TARS3: variants seen among roughly 807,000 people sequenced by gnomAD.
TARS3 encodes threonine--tRNA ligase 2, cytoplasmic.
In TARS3, 94 loss-of-function variants were observed where a neutral mutation model predicts 103.5. That is an observed-to-expected ratio of 0.91 (90% CI 0.77 to 1.08). The LOEUF is 1.08. Ranked by LOEUF, TARS3 falls within the 50% of genes least tolerant of loss-of-function variation. The pLI, the probability that TARS3 is intolerant of heterozygous loss-of-function variation, is 0.00. For synonymous variants in TARS3, 416 were observed against 355.4 expected (o/e 1.17, Z -1.92); for missense variants, 952 against 995.2 (o/e 0.96, Z 0.58).
Position 101,657,014 on chromosome 15 carries a change from T to C in TARS3, c.2168A>G (p.Glu723Gly), listed in dbSNP as rs753838222. ...CAAGTCAACGTCAGCCATAAATCCT[T>C]CTTCAAAAAATTCACTGGATACCTA... is the stretch of plus-strand genomic sequence containing the variant. ...ALQVSSEFFE[E>G]GFMADVDLDH... The change falls in exon 18 of 19, where the codon GAA (glutamate) becomes GGA (glycine). Residue 723 changes from glutamate to glycine, a missense_variant. This residue lies in a region of TARS3 where 540 missense variants were observed against 631.0 expected (regional missense o/e 0.86). Coordinates refer to ENST00000335968, the MANE Select transcript of TARS3 (RefSeq NM_152334.3). The C allele has an allele frequency of 6.2e-7, 1 of 1,613,450 alleles. No individual in the cohort carries two copies. Among genetic ancestry groups the C allele is most frequent in the Non-Finnish European group, 8.5e-7 (1 of 1,179,480 alleles).
chr15:101,683,845 C>T (rs1898353538), intron 12 of TARS3, among the ~76,000 whole-genome samples: 1 of 152,186 alleles, frequency 6.6e-6, no homozygotes, highest in Admixed American at 6.5e-5. Flanking sequence ...CCTTAAAATA[C>T]TCCACTTAAT....
intron 2 of TARS3, among the ~76,000 whole-genome samples, chr15:101,721,676 G>T (rs1275511132): frequency 6.6e-6 from 1 of 152,076 alleles, no homozygotes; most frequent in East Asian, 1.9e-4. Flanking sequence ...TGTATTTGTA[G>T]TAGAGATGGG....
chr15:101,673,635 T>C (rs960440831), intron 13 of TARS3, among the ~76,000 whole-genome samples: 1 of 152,228 alleles, frequency 6.6e-6, no homozygotes, highest in Admixed American at 6.5e-5. Context: ...CTGAGCTCTG[T>C]GTCCTCATTT....
chr15:101,694,427 C>T (rs1898871724), intron 10 of TARS3, among the ~76,000 whole-genome samples: 2 of 152,230 alleles, frequency 1.3e-5, no homozygotes, highest in Admixed American at 1.3e-4. Context: ...TGGTCTAGGA[C>T]TCAGCACCAA....
chr15:101,692,710 G>C (rs890681336), intron 10 of TARS3, among the ~76,000 whole-genome samples: 2 of 152,206 alleles, frequency 1.3e-5, no homozygotes, highest in African/African-American at 4.8e-5. Flanking sequence ...GGAGGGGAAG[G>C]GATTCTTGCT....
At chr15:101,699,416 C>A (rs1177283590) in intron 10 of TARS3, 4 of 455,908 alleles carry the variant, frequency 8.8e-6, no homozygotes, top group Non-Finnish European at 1.8e-5. Context: ...TCCTGTTCAT[C>A]AGCCACATCT....
At chr15:101,681,653 C>G (rs1342832411) in intron 12 of TARS3, among the ~76,000 whole-genome samples, 1 of 152,202 alleles carries the variant, frequency 6.6e-6, no homozygotes, top group African/African-American at 2.4e-5. Flanking sequence ...TTGCCAACGG[C>G]TGACTTCTCA....
intron 2 of TARS3, among the ~76,000 whole-genome samples, chr15:101,722,027 C>G (rs2141462100): frequency 6.6e-6 from 1 of 152,296 alleles, no homozygotes; most frequent in South Asian, 2.1e-4. Flanking sequence ...ACGATGATCA[C>G]TAGCTTACGT....
At chr15:101,696,210 C>CAAA (rs57512244) in intron 10 of TARS3, among the ~76,000 whole-genome samples, 99 of 81,702 alleles carry the variant, frequency 1.2e-3, no homozygotes, top group Non-Finnish European at 1.5e-3. Context: ...GACTTTGTCT[C>CAAA]AAAAAAAAAA....
At chr15:101,690,135 G>C (rs2141413381) in intron 10 of TARS3, among the ~76,000 whole-genome samples, 1 of 152,280 alleles carries the variant, frequency 6.6e-6, no homozygotes, top group East Asian at 1.9e-4. Flanking sequence ...CAAAAGGCAA[G>C]AATGTGCTGA....
In TARS3 at chr15:101,658,747, T is replaced by C. The variant is rs533846847; in HGVS notation, c.2073-890A>G. On this transcript the variant is annotated intron_variant, in intron 16 of 18. Coordinates refer to ENST00000335968, the MANE Select transcript of TARS3 (RefSeq NM_152334.3). ...TATTGTATCTAGTTTTGCAAGATGT[T>C]ACCATTGAGGAAAACTGGGTAAAGA... Among the ~76,000 whole-genome samples, 100 of 152,352 alleles carry C rather than the reference T, an allele frequency of 6.6e-4. 1 individual carries two copies. In the South Asian group the frequency reaches 8.5e-3, roughly 13 times the overall value.
intron 18 of TARS3, chr15:101,655,892 G>C: frequency 1.6e-6 from 2 of 1,288,750 alleles, no homozygotes; most frequent in Non-Finnish European, 2.0e-6. Context: ...GTGGACACCA[G>C]ACCCATGCGA....
chr15:101,696,561 G>A lies in TARS3; in HGVS notation c.1320+4525C>T, dbSNP rs181844014. ...TGGGATACTTTGCTATGTTGCAATA[G>A]CCATCCAGAACAGAATTTTGCACTG... On this transcript the variant is annotated intron_variant, in intron 10 of 18. Transcript: ENST00000335968. Among the ~76,000 whole-genome samples the A allele has an allele frequency of 5.0e-4, 76 of 152,272 alleles. 1 individual carries two copies. Among genetic ancestry groups the A allele is most frequent in the Non-Finnish European group, 6.5e-4 (44 of 68,018 alleles).
At chr15:101,708,169 G>A (rs532823307) in intron 6 of TARS3, among the ~76,000 whole-genome samples, 1 of 144,996 alleles carries the variant, frequency 6.9e-6, no homozygotes, top group South Asian at 2.3e-4. Flanking sequence ...TTGAATCCAG[G>A]AGGCGGAGGT....
chr15:101,667,059 G>A (rs1310350365), intron 15 of TARS3, among the ~76,000 whole-genome samples: 2 of 152,132 alleles, frequency 1.3e-5, no homozygotes, highest in African/African-American at 4.8e-5. Context: ...CTCCTTGTAC[G>A]TCTCCATCAG....
intron 10 of TARS3, among the ~76,000 whole-genome samples, chr15:101,690,762 T>G (rs1356821831): frequency 6.6e-6 from 1 of 152,220 alleles, no homozygotes; most frequent in Non-Finnish European, 1.5e-5. Context: ...GCAGTAAAGT[T>G]TTTTTCTATG....
rs1897218411 is a variant in TARS3 at position 101,657,018 on chromosome 15, C to A, written c.2164G>T (p.Glu722Ter). 6.2e-7 allele frequency: 1 copy of A among 1,612,626 alleles called. No individual in the cohort carries two copies. The highest frequency in any genetic ancestry group is 8.5e-7 in the Non-Finnish European group (1 of 1,178,950). The change falls in exon 18 of 19, where the codon GAA (glutamate) becomes TAA (stop). Residue 722 changes from glutamate (E) to a stop codon, truncating the protein, a stop_gained. Transcript: ENST00000335968. LOFTEE classifies it high-confidence loss of function. ...TCAACGTCAGCCATAAATCCTTCTT[C>A]AAAAAATTCACTGGATACCTAGAAG... ...YALQVSSEFF[E>*]EGFMADVDLD...
chr15:101,654,784 TTAAGTCAGCAGTCCCATGACATG>T, intron 18 of TARS3, 54 bp from the exon 19 acceptor site: 1 of 1,542,568 alleles, frequency 6.5e-7, no homozygotes, highest in Non-Finnish European at 8.9e-7. Flanking sequence ...TTACCAAACA[TTAAGTCAGCAGTCCCATGACATG>T]TTTTTATCAA....
rs1473494801 is a variant in TARS3, at chr15:101,724,402, G to A, written c.-15C>T. On this transcript the variant is annotated 5_prime_UTR_variant, in exon 1 of 19. Transcript: ENST00000335968. ...TCGGCCGCCATCGCGGCCTCCCTCA[G>A]GCACCGACGCCGAGCGGGGTGCCCG... 2.8e-6 allele frequency: 4 copies of A among 1,419,916 alleles called. No individual in the cohort carries two copies. Among genetic ancestry groups the A allele is most frequent in the Non-Finnish European group, 3.7e-6 (4 of 1,094,062 alleles). The allele number at this position is 1,419,916 out of a possible 1,614,324, so 88.0% of individuals were successfully genotyped here. A position where few individuals can be genotyped will look rare whatever the true frequency, so the allele number is the denominator to read the frequency against.
Sources: allele counts gnomAD v4.1 joint callset (sites outside exome capture counted in the v4.1 genomes callset), GRCh38; gene constraint gnomAD v4.1.1; regional missense constraint gnomAD v4.1.1; transcripts MANE v1.5; gene names NCBI Gene and HGNC (gene_info 2026-07-23, HGNC 2026-07-21).